ARHGAP22: variants seen among roughly 807,000 people sequenced by gnomAD.
ARHGAP22 encodes the protein rho GTPase-activating protein 22.
A neutral mutation model predicts 59.1 loss-of-function variants in ARHGAP22; 48 were observed. The observed-to-expected ratio is 0.81, with a 90% CI of 0.64 to 1.03. The LOEUF is 1.03. ARHGAP22 is among the 50% of genes least tolerant of loss of function. The pLI is 0.00. For missense variants in ARHGAP22, 1,015 were observed against 958.7 expected, an observed-to-expected ratio of 1.06 and a Z score of -0.78; for synonymous variants, 445 against 416.4, an observed-to-expected ratio of 1.07 and a Z score of -0.84.
At chr10:48,503,782 G>A (rs965400151) in intron 3 of ARHGAP22, among the ~76,000 whole-genome samples, 2 of 152,260 alleles carry the variant, frequency 1.3e-5, no homozygotes, top group African/African-American at 4.8e-5. Flanking sequence ...CCTGGGGTAT[G>A]AGTGGTGCCT....
chr10:48,579,862 C>T (rs1369222834), intron 2 of ARHGAP22, among the ~76,000 whole-genome samples: 1 of 152,174 alleles, frequency 6.6e-6, no homozygotes, highest in Non-Finnish European at 1.5e-5. Context: ...TATTACATGC[C>T]GTTCATGCAA....
the ARHGAP22 span, among the ~76,000 whole-genome samples, chr10:48,434,275 G>C: frequency 6.6e-6 from 1 of 152,218 alleles, no homozygotes; most frequent in Non-Finnish European, 1.5e-5. Flanking sequence ...AGTGACAGTG[G>C]CATGTCCCAT....
intron 2 of ARHGAP22, among the ~76,000 whole-genome samples, chr10:48,563,693 CA>C (rs1358154016): frequency 6.6e-6 from 1 of 152,064 alleles, no homozygotes. Context: ...GAATCTACTT[CA>C]AATGTAGATT....
intron 3 of ARHGAP22, among the ~76,000 whole-genome samples, chr10:48,505,674 G>T (rs1340642741): frequency 6.6e-6 from 1 of 152,188 alleles, no homozygotes; most frequent in East Asian, 1.9e-4. Flanking sequence ...GGGTGGATGG[G>T]GATCCCCTGG....
intron 1 of ARHGAP22, among the ~76,000 whole-genome samples, chr10:48,626,885 G>A (rs2061468739): frequency 6.6e-6 from 1 of 152,140 alleles, no homozygotes; most frequent in African/African-American, 2.4e-5. Flanking sequence ...TGGGCATGGG[G>A]GTGAACCAGC....
At chr10:48,495,369 A>C (rs757199952) in intron 3 of ARHGAP22, among the ~76,000 whole-genome samples, 42 of 152,238 alleles carry the variant, frequency 2.8e-4, no homozygotes, top group Non-Finnish European at 5.7e-4. Context: ...ATGGTGTTAC[A>C]ATGATGATAC....
chr10:48,465,254 G>T (rs551509894), intron 4 of ARHGAP22, among the ~76,000 whole-genome samples: 1 of 152,222 alleles, frequency 6.6e-6, no homozygotes, highest in South Asian at 2.1e-4. Context: ...CCACCGCAGG[G>T]GAAACTGGCA....
chr10:48,584,917 C>A (rs1323892906), intron 1 of ARHGAP22, among the ~76,000 whole-genome samples: 1 of 150,960 alleles, frequency 6.6e-6, no homozygotes, highest in African/African-American at 2.4e-5. Context: ...TGGCCTGAAT[C>A]CGGGAGGCGG....
At chr10:48,618,491 T>C (rs1009913585) in intron 1 of ARHGAP22, among the ~76,000 whole-genome samples, 2 of 152,110 alleles carry the variant, frequency 1.3e-5, no homozygotes, top group Admixed American at 1.3e-4. Context: ...AAAAAGATCA[T>C]TCACCATGAT....
chr10:48,454,406 A>G (rs2046291806), intron 6 of ARHGAP22, among the ~76,000 whole-genome samples: 1 of 152,130 alleles, frequency 6.6e-6, no homozygotes, highest in African/African-American at 2.4e-5. Context: ...GGGCCCGTGG[A>G]GGAATGTCAG....
intron 3 of ARHGAP22, among the ~76,000 whole-genome samples, chr10:48,549,977 A>G (rs146581144): frequency 6.6e-5 from 10 of 152,310 alleles, no homozygotes; most frequent in African/African-American, 2.4e-4. Context: ...ATTCTGGCAG[A>G]AAGCTTAACC....
intron 1 of ARHGAP22, among the ~76,000 whole-genome samples, chr10:48,612,064 G>T (rs940552358): frequency 6.6e-6 from 1 of 150,860 alleles, no homozygotes; most frequent in Non-Finnish European, 1.5e-5. Flanking sequence ...CTCATGATCC[G>T]CCTGCCTTGG....
chr10:48,539,580 C>T (rs571604627), intron 3 of ARHGAP22, among the ~76,000 whole-genome samples: 116 of 152,132 alleles, frequency 7.6e-4, no homozygotes, highest in African/African-American at 2.7e-3. Flanking sequence ...CGTGAGCCAC[C>T]ACGCCCGGCC....
rs906182726 is a variant in ARHGAP22, at chr10:48,459,664, A to T, written c.659+20T>A. ...AGGAATGGACAAATGGCTCCACCTT[A>T]CCCCCGATCACAAGCTCACCTGTCA... On this transcript the variant is annotated intron_variant, in intron 5 of 9. Transcript: ENST00000249601. The T allele has an allele frequency of 1.6e-5, 26 of 1,613,390 alleles. No individual in the cohort carries two copies. Among genetic ancestry groups the T allele is most frequent in the Non-Finnish European group, 2.1e-5 (25 of 1,179,488 alleles).
chr10:48,523,999 G>A, intron 3 of ARHGAP22: 1 of 1,423,942 alleles, frequency 7.0e-7, no homozygotes. Context: ...GGCGGGGCTG[G>A]CAGCCTCTGG....
chr10:48,602,571 T>C (rs932462860), intron 1 of ARHGAP22, among the ~76,000 whole-genome samples: 2 of 152,166 alleles, frequency 1.3e-5, no homozygotes, highest in Admixed American at 1.3e-4. Flanking sequence ...CGGGCCAGCT[T>C]GGGTAGAGAC....
At chr10:48,562,260 C>T (rs2057738782) in intron 2 of ARHGAP22, among the ~76,000 whole-genome samples, 1 of 139,242 alleles carries the variant, frequency 7.2e-6, no homozygotes, top group Non-Finnish European at 1.5e-5. Flanking sequence ...AAATACACAC[C>T]TGGGATACGA....
intron 3 of ARHGAP22, among the ~76,000 whole-genome samples, chr10:48,539,709 T>A (rs911084893): frequency 3.3e-5 from 5 of 152,240 alleles, no homozygotes; most frequent in African/African-American, 1.2e-4. Context: ...GCATTCTGAA[T>A]ACCTTTCCAT....
chr10:48,572,444 G>T (rs3954086), intron 2 of ARHGAP22, among the ~76,000 whole-genome samples: 58,687 of 151,964 alleles, frequency 0.39, 12,758 homozygotes, highest in East Asian at 0.89. Context: ...ACAATAGGCT[G>T]GCTCTGACCA....
Sources: allele counts gnomAD v4.1 joint callset (sites outside exome capture counted in the v4.1 genomes callset), GRCh38; gene constraint gnomAD v4.1.1; transcripts MANE v1.5; gene names NCBI Gene and HGNC (gene_info 2026-07-23, HGNC 2026-07-21).